The following TDRD12 variants were observed in gnomAD, a reference collection of about 807,000 sequenced individuals.
TDRD12 encodes tudor domain containing 12, also known as putative ATP-dependent RNA helicase TDRD12.
In TDRD12, 158 loss-of-function variants were observed where a neutral mutation model predicts 133.5. The ratio of observed to expected loss-of-function variants is 1.18; its 90% CI spans 1.04 to 1.35. The LOEUF is 1.35. Among genes scored for constraint, TDRD12 ranks in the 40% most tolerant of loss-of-function variants. TDRD12 has a pLI of 0.00. For missense variants in TDRD12, 1,443 were observed against 1,321.3 expected, an observed-to-expected ratio of 1.09 and a Z score of -1.43; for synonymous variants, 460 against 477.9, an observed-to-expected ratio of 0.96 and a Z score of 0.49.
intron 11 of TDRD12, among the ~76,000 whole-genome samples, chr19:32,788,514 G>T (rs1052005075): frequency 6.6e-6 from 1 of 152,028 alleles, no homozygotes; most frequent in African/African-American, 2.4e-5. Flanking sequence ...TTTTCCTTTT[G>T]TTCTCTTTTC....
chr19:32,812,115 C>T (rs1032515225), intron 24 of TDRD12, among the ~76,000 whole-genome samples: 16 of 152,364 alleles, frequency 1.1e-4, no homozygotes, highest in Admixed American at 5.9e-4. Context: ...AAGAGAACCA[C>T]TTGTGCTCAG....
At chr19:32,745,813 T>TGTGTGTGA (rs1171510026) in intron 4 of TDRD12, among the ~76,000 whole-genome samples, 1 of 106,478 alleles carries the variant, frequency 9.4e-6, no homozygotes, top group African/African-American at 4.0e-5. Flanking sequence ...TGTGTGTGTG[T>TGTGTGTGA]GAGAGAGAAG....
exon 22 of TDRD12, chr19:32,807,572 G>T (rs777809222): frequency 9.8e-6 from 15 of 1,534,364 alleles, no homozygotes; most frequent in Non-Finnish European, 1.2e-5. Context: ...TGTCCTGACC[G>T]ACACCGTATT....
chr19:32,777,440 A>T (rs1279678398), intron 11 of TDRD12, among the ~76,000 whole-genome samples: 1 of 152,020 alleles, frequency 6.6e-6, no homozygotes, highest in Non-Finnish European at 1.5e-5. Context: ...GTTCCAGTGT[A>T]AGTAGTCATT....
At chr19:32,736,525 A>G (rs1057084031) in intron 2 of TDRD12, among the ~76,000 whole-genome samples, 2 of 152,240 alleles carry the variant, frequency 1.3e-5, no homozygotes, top group South Asian at 4.1e-4. Flanking sequence ...ATTATTAACT[A>G]TTCATGGTAT....
intron 14 of TDRD12, among the ~76,000 whole-genome samples, chr19:32,797,202 C>G (rs548359042): frequency 1.3e-3 from 192 of 152,090 alleles, no homozygotes; most frequent in Non-Finnish European, 2.4e-3. Flanking sequence ...GCTGGTCTCA[C>G]ACTCCTGACC....
chr19:32,757,224 G>A, intron 8 of TDRD12, 94 bp downstream of exon 8: 2 of 1,011,344 alleles, frequency 2.0e-6, no homozygotes, highest in Non-Finnish European at 3.0e-6. Flanking sequence ...AAAGGCCATG[G>A]TAATTCTTTC....
chr19:32,792,640 G>A (rs372177718), intron 13 of TDRD12, among the ~76,000 whole-genome samples: 3 of 152,162 alleles, frequency 2.0e-5, no homozygotes, highest in Admixed American at 2.0e-4. Context: ...AATGAAGGAA[G>A]ATGATAGGAC....
At chr19:32,736,103 C>A (rs1296637971) in intron 2 of TDRD12, among the ~76,000 whole-genome samples, 1 of 152,194 alleles carries the variant, frequency 6.6e-6, no homozygotes, top group Admixed American at 6.5e-5. Context: ...TCCAAAAGTC[C>A]TGTGACCCTT....
At chr19:32,798,797 A>G (rs1310855840) in intron 16 of TDRD12, among the ~76,000 whole-genome samples, 9 of 152,126 alleles carry the variant, frequency 5.9e-5, no homozygotes, top group Admixed American at 4.6e-4. Flanking sequence ...ATTTTGGAGT[A>G]TTTGCTTCTT....
chr19:32,826,734 A>G (rs1170448690), intron 9 of TDRD12: 1 of 1,232,128 alleles, frequency 8.1e-7, no homozygotes, highest in African/African-American at 1.6e-5. Context: ...TGAAGAGGAC[A>G]GCCACTTCCC....
intron 6 of TDRD12, 72 bp downstream of exon 6, chr19:32,749,941 C>A: frequency 9.1e-7 from 1 of 1,101,318 alleles, no homozygotes; most frequent in Non-Finnish European, 1.3e-6. Context: ...AGAATAAATG[C>A]CAAGAAAAAC....
intron 21 of TDRD12, among the ~76,000 whole-genome samples, chr19:32,805,170 T>C (rs892681564): frequency 3.2e-5 from 4 of 125,142 alleles, no homozygotes; most frequent in Admixed American, 3.1e-4. Context: ...TGTTATATAT[T>C]ATATATATAA....
intron 21 of TDRD12, among the ~76,000 whole-genome samples, chr19:32,803,382 T>C (rs1172310402): frequency 6.6e-6 from 1 of 152,222 alleles, no homozygotes; most frequent in Non-Finnish European, 1.5e-5. Flanking sequence ...CTCTTTCGTG[T>C]CTGGCTTCTT....
chr19:32,744,499 CAAAAAAAA>C (rs10644749), intron 4 of TDRD12, among the ~76,000 whole-genome samples: 2,569 of 37,968 alleles, frequency 0.068, 39 homozygotes, highest in South Asian at 0.3. Flanking sequence ...GACTCCGTCT[CAAAAAAAA>C]AAAAAAAAAA....
At chr19:32,773,778 T>C (rs1044708763) in intron 10 of TDRD12, among the ~76,000 whole-genome samples, 6 of 152,168 alleles carry the variant, frequency 3.9e-5, no homozygotes, top group Non-Finnish European at 8.8e-5. Flanking sequence ...TTCTATAAGA[T>C]TGATGATTGG....
intron 1 of TDRD12, among the ~76,000 whole-genome samples, chr19:32,726,953 A>G (rs1349511287): frequency 2.0e-5 from 3 of 152,158 alleles, no homozygotes; most frequent in African/African-American, 7.2e-5. Flanking sequence ...TCTACACCCA[A>G]TAGTGGAATT....
chr19:32,720,873 A>T (rs1045668541), intron 1 of TDRD12, among the ~76,000 whole-genome samples: 1 of 139,510 alleles, frequency 7.2e-6, no homozygotes, highest in Non-Finnish European at 1.6e-5. Context: ...CTGGGGTAGA[A>T]CCCGGATGAG....
At chr19:32,759,066 A>C (rs2145557468) in intron 8 of TDRD12, among the ~76,000 whole-genome samples, 1 of 151,860 alleles carries the variant, frequency 6.6e-6, no homozygotes, top group African/African-American at 2.4e-5. Flanking sequence ...ACATGGTGAA[A>C]CCCCGTCTCT....
Sources: gnomAD v4.1 joint callset for allele counts (sites outside exome capture counted in the v4.1 genomes callset) on GRCh38, gnomAD v4.1.1 for gene constraint, MANE v1.5 for transcripts, NCBI Gene and HGNC (gene_info 2026-07-23, HGNC 2026-07-21) for gene names.